CSMD1: variants seen among roughly 807,000 people sequenced by gnomAD.
The protein encoded by CSMD1 is CUB and sushi domain-containing protein 1.
CSMD1 carries 213 observed loss-of-function variants against 417.5 expected under a neutral mutation model. That is an observed-to-expected ratio of 0.51 (90% confidence interval 0.46 to 0.57). CSMD1 has a LOEUF of 0.57. Ranked by LOEUF, CSMD1 falls within the 20% of genes least tolerant of loss-of-function variation. The pLI is 0.00. For synonymous variants in CSMD1, 2,862 were observed against 1,736.8 expected, an observed-to-expected ratio of 1.65 and a Z score of -16.11; for missense variants, 6,923 against 4,529.7, an observed-to-expected ratio of 1.53 and a Z score of -15.17.
intron 5 of CSMD1, among the ~76,000 whole-genome samples, chr8:3,774,783 G>A (rs993558308): frequency 6.6e-6 from 1 of 152,190 alleles, no homozygotes; most frequent in African/African-American, 2.4e-5. Context: ...GGATGACACA[G>A]TGTCCGTTTT....
intron 6 of CSMD1, among the ~76,000 whole-genome samples, chr8:3,733,908 T>C (rs1379997280): frequency 1.3e-5 from 2 of 152,144 alleles, no homozygotes; most frequent in Admixed American, 6.5e-5. Context: ...GCATAGTTTA[T>C]GTAGGGTTTG....
intron 5 of CSMD1, among the ~76,000 whole-genome samples, chr8:3,826,543 C>T (rs760997226): frequency 3.9e-5 from 6 of 152,076 alleles, no homozygotes; most frequent in African/African-American, 7.2e-5. Context: ...TTCCAAGTCC[C>T]GGCTGATATG....
At chr8:3,914,060 A>T (rs1057485034) in intron 5 of CSMD1, among the ~76,000 whole-genome samples, 4 of 152,192 alleles carry the variant, frequency 2.6e-5, no homozygotes, top group African/African-American at 9.6e-5. Flanking sequence ...TATTAAGTGG[A>T]AATGATCACA....
intron 1 of CSMD1, among the ~76,000 whole-genome samples, chr8:4,990,469 T>A (rs1011755566): frequency 6.6e-6 from 1 of 152,110 alleles, no homozygotes; most frequent in African/African-American, 2.4e-5. Context: ...GTTCAAGAGA[T>A]TCTCCTGCCT....
intron 1 of CSMD1, among the ~76,000 whole-genome samples, chr8:4,759,874 G>C (rs1304764354): frequency 6.6e-6 from 1 of 152,120 alleles, no homozygotes; most frequent in Non-Finnish European, 1.5e-5. Context: ...AATGAATATA[G>C]GCATGCATGT....
chr8:4,321,409 C>G (rs1799269207), intron 3 of CSMD1, among the ~76,000 whole-genome samples: 1 of 152,064 alleles, frequency 6.6e-6, no homozygotes, highest in Non-Finnish European at 1.5e-5. Context: ...TCATCCCAAA[C>G]CTGCTGCTCC....
intron 3 of CSMD1, among the ~76,000 whole-genome samples, chr8:4,343,204 A>G (rs1427629735): frequency 6.6e-6 from 1 of 152,146 alleles, no homozygotes; most frequent in Non-Finnish European, 1.5e-5. Context: ...TTGTTAGAGC[A>G]TAAAAAGCAC....
chr8:3,807,784 G>A (rs568931318), intron 5 of CSMD1, among the ~76,000 whole-genome samples: 6 of 152,222 alleles, frequency 3.9e-5, no homozygotes, highest in Admixed American at 6.5e-5. Context: ...GAGATATCTA[G>A]ATTGTCATTC....
chr8:4,911,584 A>G (rs1373730159), intron 1 of CSMD1, among the ~76,000 whole-genome samples: 1 of 152,198 alleles, frequency 6.6e-6, no homozygotes, highest in Non-Finnish European at 1.5e-5. Flanking sequence ...GCATCCAGGG[A>G]TCTCAGAGCT....
chr8:4,205,627 C>A (rs1160045320), intron 3 of CSMD1, among the ~76,000 whole-genome samples: 1 of 152,056 alleles, frequency 6.6e-6, no homozygotes, highest in Non-Finnish European at 1.5e-5. Context: ...CCAGGAGCCA[C>A]ACAGAGTGAG....
At chr8:4,055,595 C>A (rs1488144599) in intron 3 of CSMD1, among the ~76,000 whole-genome samples, 1 of 151,526 alleles carries the variant, frequency 6.6e-6, no homozygotes, top group Admixed American at 6.6e-5. Context: ...GATTTAATAA[C>A]GTTAAGAATT....
At chr8:3,120,147 G>C (rs1817113620) in intron 41 of CSMD1, among the ~76,000 whole-genome samples, 1 of 152,072 alleles carries the variant, frequency 6.6e-6, no homozygotes, top group South Asian at 2.1e-4. Flanking sequence ...TCTGTGTTCA[G>C]GACCTGAGAA....
intron 17 of CSMD1, among the ~76,000 whole-genome samples, chr8:3,390,724 G>C (rs1563339038): frequency 6.6e-6 from 1 of 151,890 alleles, no homozygotes; most frequent in Non-Finnish European, 1.5e-5. Context: ...TGAATAAAGG[G>C]AGTTGATTAC....
chr8:4,565,552 T>G (rs1199224238), intron 2 of CSMD1, among the ~76,000 whole-genome samples: 2 of 151,842 alleles, frequency 1.3e-5, no homozygotes, highest in Non-Finnish European at 2.9e-5. Context: ...CTGGCCAACA[T>G]GGTGAAACCC....
At chr8:4,666,318 G>GAATA (rs1804928686) in intron 1 of CSMD1, among the ~76,000 whole-genome samples, 1 of 152,088 alleles carries the variant, frequency 6.6e-6, no homozygotes, top group African/African-American at 2.4e-5. Flanking sequence ...TAGCCAGATG[G>GAATA]GCCCAATATA....
chr8:3,583,132 C>T (rs905065573), intron 9 of CSMD1, among the ~76,000 whole-genome samples: 14 of 152,034 alleles, frequency 9.2e-5, no homozygotes, highest in African/African-American at 3.4e-4. Context: ...TTCCTAACAG[C>T]CTGTCTTTCA....
chr8:3,482,796 G>C (rs970962432), intron 11 of CSMD1, among the ~76,000 whole-genome samples: 3 of 152,012 alleles, frequency 2.0e-5, no homozygotes, highest in South Asian at 2.1e-4. Context: ...GATCACAAAG[G>C]AATCAAACTA....
At chr8:3,920,539 G>A (rs1289645537) in intron 5 of CSMD1, among the ~76,000 whole-genome samples, 1 of 152,044 alleles carries the variant, frequency 6.6e-6, no homozygotes, top group Non-Finnish European at 1.5e-5. Context: ...GCACGAGTAG[G>A]CAACTTGTCT....
In CSMD1 at chr8:4,698,903, AACACACACACAC is replaced by A. The variant is rs71988727; in HGVS notation, c.86-61357_86-61346del. On this transcript the variant is annotated intron_variant, in intron 1 of 69. Transcript: ENST00000635120. ...CTCTTAAACATGTGCATACCCTCCC[AACACACACACAC>A]ACACACACACACACACACACACACA... 1.2e-4 allele frequency among the ~76,000 whole-genome samples: 17 copies of A among 140,216 alleles called. No individual in the cohort carries two copies. In the East Asian group the frequency reaches 1.3e-3, roughly 10 times the overall value. 92.0% of individuals were successfully genotyped at this position (140,216 alleles called of 152,430 possible). A position where few individuals can be genotyped will look rare whatever the true frequency, so the allele number is the denominator to read the frequency against.
Sources: allele counts gnomAD v4.1 joint callset (sites outside exome capture counted in the v4.1 genomes callset), GRCh38; gene constraint gnomAD v4.1.1; transcripts MANE v1.5; gene names NCBI Gene and HGNC (gene_info 2026-07-23, HGNC 2026-07-21).